RYR2: variants seen among roughly 807,000 people sequenced by gnomAD.
RYR2 encodes the protein ryanodine receptor 2.
RYR2 carries 227 observed loss-of-function variants against 601.1 expected under a neutral mutation model. The ratio of observed to expected loss-of-function variants is 0.38; its 90% CI spans 0.34 to 0.42. RYR2 has a LOEUF of 0.42. Ranked by LOEUF, RYR2 falls within the 10% of genes least tolerant of loss-of-function variation. The pLI is 1.00. For synonymous variants in RYR2, 2,223 were observed against 2,175.1 expected (o/e 1.02, Z -0.61); for missense variants, 4,646 against 6,156.5 (o/e 0.75, Z 8.21).
chr1:237,730,162 C>G, intron 76 of RYR2, 98 bp from the exon 77 acceptor site: 1 of 699,516 alleles, frequency 1.4e-6, no homozygotes, highest in Non-Finnish European at 2.6e-6. Context: ...CTATTTTACA[C>G]TTTCAGTGCA....
chr1:237,228,026 T>C (rs1275437713), intron 1 of RYR2, among the ~76,000 whole-genome samples: 1 of 152,030 alleles, frequency 6.6e-6, no homozygotes, highest in Non-Finnish European at 1.5e-5. Context: ...TTTGGTTACA[T>C]GAATAAGATC....
chr1:237,521,333 A>G lies in RYR2; in HGVS notation c.2823-9094A>G, dbSNP rs965803933. 3.9e-5 allele frequency among the ~76,000 whole-genome samples: 6 copies of G among 152,302 alleles called. No homozygotes were observed. In the East Asian group the frequency reaches 1.2e-3, roughly 29 times the overall value. On this transcript the variant is annotated intron_variant, in intron 24 of 104. Coordinates refer to ENST00000366574, the MANE Select transcript of RYR2 (RefSeq NM_001035.3). Reference sequence around the variant, plus strand: ...ATACCAGCAAACAAAATGCAATAGCACCTCTAGCTATTCTGTACTTTGTAG... The same window carrying G: ...ATACCAGCAAACAAAATGCAATAGCGCCTCTAGCTATTCTGTACTTTGTAG...
chr1:237,051,594 A>G (rs966812326), intron 1 of RYR2, among the ~76,000 whole-genome samples: 2 of 152,022 alleles, frequency 1.3e-5, no homozygotes, highest in African/African-American at 2.4e-5. Flanking sequence ...TAGTCAGGAG[A>G]TCAGAGCTTT....
chr1:237,770,059 C>A (rs1694152512), intron 84 of RYR2, among the ~76,000 whole-genome samples: 3 of 152,212 alleles, frequency 2.0e-5, no homozygotes, highest in African/African-American at 7.2e-5. Context: ...TGCAGAGGAA[C>A]TTCTGTAACT....
chr1:237,133,937 A>AAAAC (rs1553310931), intron 1 of RYR2, among the ~76,000 whole-genome samples: 8 of 151,702 alleles, frequency 5.3e-5, no homozygotes, highest in African/African-American at 1.9e-4. Context: ...AAAAAAAAAA[A>AAAAC]AAACCAAGTG....
intron 2 of RYR2, among the ~76,000 whole-genome samples, chr1:237,271,121 G>A (rs1380890689): frequency 1.3e-5 from 2 of 151,842 alleles, no homozygotes; most frequent in African/African-American, 2.4e-5. Flanking sequence ...ATGGGATATG[G>A]CTTTTTTTTT....
chr1:237,141,386 C>T (rs1046979935), intron 1 of RYR2, among the ~76,000 whole-genome samples: 1 of 152,112 alleles, frequency 6.6e-6, no homozygotes, highest in Non-Finnish European at 1.5e-5. Context: ...TTTCAAATTC[C>T]TTTTCAGACA....
intron 1 of RYR2, among the ~76,000 whole-genome samples, chr1:237,112,113 C>T (rs1006502861): frequency 6.6e-6 from 1 of 152,084 alleles, no homozygotes; most frequent in African/African-American, 2.4e-5. Flanking sequence ...ACTTCCCCTA[C>T]TCTTTTGTTT....
At chr1:237,426,772 G>A (rs191785756) in intron 12 of RYR2, among the ~76,000 whole-genome samples, 249 of 152,296 alleles carry the variant, frequency 1.6e-3, no homozygotes, top group Admixed American at 3.2e-3. Context: ...AAAAAGCTGG[G>A]AGTCTGTGGT....
chr1:237,303,352 T>G (rs1693558626), intron 2 of RYR2, among the ~76,000 whole-genome samples: 1 of 139,296 alleles, frequency 7.2e-6, no homozygotes, highest in Non-Finnish European at 1.5e-5. Flanking sequence ...CAGACTGGAG[T>G]GCAGTGGTGC....
At chr1:237,073,024 G>A (rs1664574510) in intron 1 of RYR2, among the ~76,000 whole-genome samples, 1 of 151,606 alleles carries the variant, frequency 6.6e-6, no homozygotes, top group Non-Finnish European at 1.5e-5. Flanking sequence ...TTTACCTCAG[G>A]ACCTATTTCT....
chr1:237,182,948 A>G (rs1678949230), intron 1 of RYR2, among the ~76,000 whole-genome samples: 1 of 152,166 alleles, frequency 6.6e-6, no homozygotes, highest in South Asian at 2.1e-4. Flanking sequence ...GATTTACTTC[A>G]TTTTATCTTT....
At position 237,248,548 on chromosome 1, in the gene RYR2, C is replaced by T. The variant is rs1687137050; in HGVS notation, c.49-21949C>T. ...GTTTTTGCTTATAATATAGACTTCA[C>T]ACTGTTTCCTTCTTAGAAGAGGATG... is the stretch of plus-strand genomic sequence containing the variant. On this transcript the variant is annotated intron_variant, in intron 1 of 104. Transcript: ENST00000366574. Among the ~76,000 whole-genome samples the T allele has an allele frequency of 1.3e-5, 2 of 152,034 alleles. 1 individual carries two copies. Among genetic ancestry groups the T allele is most frequent in the South Asian group, 4.1e-4 (2 of 4,822 alleles).
At chr1:237,792,420 TG>T in intron 94 of RYR2, 97 bp downstream of exon 94, 4 of 786,942 alleles carry the variant, frequency 5.1e-6, no homozygotes, top group East Asian at 2.7e-5. Flanking sequence ...TGTGTGTGTG[TG>T]TGTTTTGCAG....
chr1:237,591,971 T>A, intron 32 of RYR2, 118 bp downstream of exon 32: 1 of 789,586 alleles, frequency 1.3e-6, no homozygotes, highest in Non-Finnish European at 2.0e-6. Context: ...TGTCTGTTTC[T>A]GTTTTTGGAT....
At chr1:237,140,609 G>T (rs533620313) in intron 1 of RYR2, among the ~76,000 whole-genome samples, 3 of 152,336 alleles carry the variant, frequency 2.0e-5, no homozygotes, top group African/African-American at 7.2e-5. Flanking sequence ...CTCATTTCCA[G>T]ATGTGTAAAT....
At chr1:237,068,185 A>G (rs12086470) in intron 1 of RYR2, among the ~76,000 whole-genome samples, 2,846 of 152,188 alleles carry the variant, frequency 0.019, 87 homozygotes, top group African/African-American at 0.065. Flanking sequence ...TTTTAAAAAA[A>G]CACTTCTTGA....
intron 54 of RYR2, among the ~76,000 whole-genome samples, chr1:237,659,407 G>A (rs183994490): frequency 6.6e-6 from 1 of 152,156 alleles, no homozygotes; most frequent in Admixed American, 6.5e-5. Context: ...AATTATATAG[G>A]GAAATGGTGA....
chr1:237,789,674 G>A (rs561466857), intron 92 of RYR2, among the ~76,000 whole-genome samples: 1 of 152,376 alleles, frequency 6.6e-6, no homozygotes, highest in South Asian at 2.1e-4. Flanking sequence ...TGTAAACCAA[G>A]TAGTTGAGAT....
Sources: allele counts gnomAD v4.1 joint callset (sites outside exome capture counted in the v4.1 genomes callset), GRCh38; gene constraint gnomAD v4.1.1; transcripts MANE v1.5; gene names NCBI Gene and HGNC (gene_info 2026-07-23, HGNC 2026-07-21).